The following UGT1A7 variants were observed in gnomAD, a reference collection of about 807,000 sequenced individuals.
UGT1A7 encodes UDP glucuronosyltransferase family 1 member A7.
In UGT1A7, 33 loss-of-function variants were observed where a neutral mutation model predicts 45.6. That is an observed-to-expected ratio of 0.72 (90% CI 0.55 to 0.97). UGT1A7 has a LOEUF of 0.97. Ranked by LOEUF, UGT1A7 falls within the 50% of genes least tolerant of loss-of-function variation. The pLI is 0.00. For missense variants in UGT1A7, 684 were observed against 666.2 expected (o/e 1.03, Z -0.29); for synonymous variants, 274 against 250.6 (o/e 1.09, Z -0.88).
At chr2:233,754,970 G>T (rs1695665422) in intron 1 of UGT1A7, 1 of 1,301,498 alleles carries the variant, frequency 7.7e-7, no homozygotes, top group Non-Finnish European at 1.0e-6. Context: ...AGAACTCCCT[G>T]AAGACCTCGG....
intron 1 of UGT1A7, among the ~76,000 whole-genome samples, chr2:233,722,821 T>C (rs1575543414): frequency 6.6e-6 from 1 of 151,782 alleles, no homozygotes; most frequent in African/African-American, 2.4e-5. Flanking sequence ...TTTCAAGTTA[T>C]TTTGTATTAT....
chr2:233,706,051 C>T (rs908394326), intron 1 of UGT1A7, among the ~76,000 whole-genome samples: 11 of 152,120 alleles, frequency 7.2e-5, no homozygotes, highest in Non-Finnish European at 1.3e-4. Flanking sequence ...GCCGAGATCA[C>T]GCCACTGCAT....
intron 1 of UGT1A7, chr2:233,719,666 C>A (rs766884257): frequency 1.7e-5 from 27 of 1,614,092 alleles, no homozygotes; most frequent in Non-Finnish European, 2.2e-5. Flanking sequence ...TCAACTGTGC[C>A]AACGGGAAGC....
intron 1 of UGT1A7, among the ~76,000 whole-genome samples, chr2:233,683,392 G>C (rs1575431032): frequency 6.6e-6 from 1 of 152,140 alleles, no homozygotes; most frequent in East Asian, 1.9e-4. Context: ...AAGATTGATA[G>C]AGATTTAAGT....
intron 1 of UGT1A7, among the ~76,000 whole-genome samples, chr2:233,730,806 G>A (rs374048907): frequency 3.9e-5 from 6 of 152,118 alleles, no homozygotes; most frequent in Admixed American, 6.5e-5. Context: ...ATGGACATGC[G>A]TCCAAGAAGG....
intron 1 of UGT1A7, chr2:233,747,887 T>G (rs1394358402): frequency 6.2e-6 from 10 of 1,613,492 alleles, no homozygotes; most frequent in African/African-American, 1.3e-5. Context: ...ACCTTTGCCA[T>G]GCTCTTTCTG....
At chr2:233,719,615 C>T in intron 1 of UGT1A7, 1 of 1,614,016 alleles carries the variant, frequency 6.2e-7, no homozygotes, top group Non-Finnish European at 8.5e-7. Flanking sequence ...TGATGGACTA[C>T]CCCAGGCCGA....
At chr2:233,728,419 C>T (rs1433487219) in intron 1 of UGT1A7, among the ~76,000 whole-genome samples, 2 of 152,142 alleles carry the variant, frequency 1.3e-5, no homozygotes, top group East Asian at 3.9e-4. Flanking sequence ...GATAGCAGCA[C>T]CTCTTCTTCC....
At chr2:233,746,132 G>C (rs998349575) in intron 1 of UGT1A7, among the ~76,000 whole-genome samples, 5 of 151,792 alleles carry the variant, frequency 3.3e-5, no homozygotes, top group African/African-American at 1.2e-4. Context: ...CTGTGGACTG[G>C]CACCTGAGTG....
At chr2:233,765,155 C>T (rs1463454696) in intron 1 of UGT1A7, among the ~76,000 whole-genome samples, 1 of 152,176 alleles carries the variant, frequency 6.6e-6, no homozygotes, top group East Asian at 1.9e-4. Flanking sequence ...TCCTAGGGAA[C>T]CCCTCAGTTT....
At chr2:233,688,902 G>A (rs1305603391) in intron 1 of UGT1A7, among the ~76,000 whole-genome samples, 1 of 152,140 alleles carries the variant, frequency 6.6e-6, no homozygotes, top group African/African-American at 2.4e-5. Context: ...AGAAGTTGGG[G>A]GGATGGTGTG....
intron 1 of UGT1A7, among the ~76,000 whole-genome samples, chr2:233,720,509 A>C (rs1440036500): frequency 1.3e-5 from 2 of 152,082 alleles, no homozygotes; most frequent in Admixed American, 6.6e-5. Flanking sequence ...TCTCAGGTGA[A>C]GCTGATCATA....
intron 1 of UGT1A7, chr2:233,760,559 C>A (rs776620061): frequency 1.2e-6 from 2 of 1,614,238 alleles, no homozygotes; most frequent in Admixed American, 3.3e-5. Flanking sequence ...GTGAAAGAGT[C>A]TTTTGTTAGT....
intron 1 of UGT1A7, chr2:233,718,637 T>C (rs2125661399): frequency 6.9e-7 from 1 of 1,451,650 alleles, no homozygotes; most frequent in Non-Finnish European, 9.3e-7. Context: ...TTTCCCAGGG[T>C]TGGGCCCATA....
rs267599273 is a variant in UGT1A7, at chr2:233,767,927, G to A, written c.1066G>A (p.Asp356Asn). ...TILVKWLPQN[D>N]LLGHPMTRAF... ...ACTTGTTAAGTGGCTACCCCAAAACGATCTGCTTGGTATGTTGGGCGGATT... is the reference window on the plus strand; with the variant it reads ...ACTTGTTAAGTGGCTACCCCAAAACAATCTGCTTGGTATGTTGGGCGGATT... The change falls in exon 3 of 5, where the codon GAT becomes AAT. Residue 356 changes from aspartate to asparagine, a missense_variant. By Grantham distance (23) the Asp-to-Asn change is conservative (BLOSUM62 1). Coordinates refer to ENST00000373426, the MANE Select transcript of UGT1A7 (RefSeq NM_019077.3). 45 of 1,614,054 alleles carry A rather than the reference G, an allele frequency of 2.8e-5. 1 individual carries two copies. The highest frequency in any genetic ancestry group is 2.2e-4 in the South Asian group (20 of 91,078).
intron 1 of UGT1A7, among the ~76,000 whole-genome samples, chr2:233,730,808 C>A (rs2078077498): frequency 6.6e-6 from 1 of 152,092 alleles, no homozygotes; most frequent in Non-Finnish European, 1.5e-5. Flanking sequence ...GGACATGCGT[C>A]CAAGAAGGGA....
intron 1 of UGT1A7, chr2:233,760,347 G>A (rs1239455417): frequency 6.2e-7 from 1 of 1,613,914 alleles, no homozygotes; most frequent in African/African-American, 1.3e-5. Flanking sequence ...TGTGTGTGCT[G>A]GGCCCAGTGG....
chr2:233,718,420 C>A (rs1464561381), intron 1 of UGT1A7, among the ~76,000 whole-genome samples: 1 of 152,172 alleles, frequency 6.6e-6, no homozygotes, highest in Non-Finnish European at 1.5e-5. Flanking sequence ...CAGCAGAGAA[C>A]ATGTGGTTGG....
chr2:233,719,681 A>G (rs1559365276), intron 1 of UGT1A7: 10 of 1,614,106 alleles, frequency 6.2e-6, no homozygotes, highest in Non-Finnish European at 8.5e-6. Context: ...GGAAGCCACT[A>G]TCTCAGGTCT....
Sources: gnomAD v4.1 joint callset for allele counts (sites outside exome capture counted in the v4.1 genomes callset) on GRCh38, gnomAD v4.1.1 for gene constraint, MANE v1.5 for transcripts, NCBI Gene and HGNC (gene_info 2026-07-23, HGNC 2026-07-21) for gene names.